The following NUDCD1 variants were observed in gnomAD, a reference collection of about 807,000 sequenced individuals.
NUDCD1 encodes the protein nudC domain-containing protein 1.
A neutral mutation model predicts 67.8 loss-of-function variants in NUDCD1; 60 were observed. The observed-to-expected ratio is 0.88, with a 90% confidence interval of 0.72 to 1.10. The LOEUF (loss-of-function observed/expected upper bound fraction) is 1.10, where lower values mean the gene tolerates loss of function less well. Ranked by LOEUF, NUDCD1 falls within the 50% of genes least tolerant of loss-of-function variation. The pLI is 0.00. For synonymous variants in NUDCD1, 244 were observed against 230.8 expected, an observed-to-expected ratio of 1.06 and a Z score of -0.52; for missense variants, 643 against 695.0, an observed-to-expected ratio of 0.93 and a Z score of 0.84.
At chr8:109,318,864 A>G (rs16879296) in intron 2 of NUDCD1, among the ~76,000 whole-genome samples, 14,869 of 152,092 alleles carry the variant, frequency 0.098, 772 homozygotes, top group Middle Eastern at 0.14. Context: ...TTCAACAAAT[A>G]TACTGATCAA....
chr8:109,303,751 C>G (rs1486766601), intron 2 of NUDCD1, among the ~76,000 whole-genome samples: 1 of 152,076 alleles, frequency 6.6e-6, no homozygotes, highest in African/African-American at 2.4e-5. Flanking sequence ...GCAACCCTTA[C>G]CATCCCATTA....
chr8:109,299,940 C>A (rs572392795), intron 2 of NUDCD1, among the ~76,000 whole-genome samples: 25 of 152,332 alleles, frequency 1.6e-4, no homozygotes, highest in African/African-American at 5.8e-4. Flanking sequence ...TCTGTGCAGA[C>A]AACCCCAGTA....
chr8:109,250,185 G>A (rs1813592236), intron 8 of NUDCD1, among the ~76,000 whole-genome samples: 1 of 152,098 alleles, frequency 6.6e-6, no homozygotes, highest in Non-Finnish European at 1.5e-5. Context: ...TATGTAGTAA[G>A]AGACTATGTG....
intron 2 of NUDCD1, among the ~76,000 whole-genome samples, chr8:109,319,717 A>T (rs1045437072): frequency 2.6e-5 from 4 of 152,204 alleles, no homozygotes; most frequent in African/African-American, 9.6e-5. Context: ...AAGTGCTGTA[A>T]GACAAGGTTG....
At chr8:109,259,542 G>A (rs769713117) in intron 8 of NUDCD1, among the ~76,000 whole-genome samples, 2 of 152,204 alleles carry the variant, frequency 1.3e-5, no homozygotes, top group Non-Finnish European at 2.9e-5. Context: ...AACAAGGTTA[G>A]AGGTGTGTCT....
At position 109,304,146 on chromosome 8, in the gene NUDCD1, C is replaced by T. The variant is rs575264520; in HGVS notation, c.274-7577G>A. ...ACTAGCTCTCCCTAACTCATCCCAACCTTTTTCATTACACACAGCTGAAGT... is the reference window on the plus strand; with the variant it reads ...ACTAGCTCTCCCTAACTCATCCCAATCTTTTTCATTACACACAGCTGAAGT... On this transcript the variant is annotated intron_variant, in intron 2 of 9. Transcript: ENST00000239690. Among the ~76,000 whole-genome samples, 5 of 152,306 alleles carry T rather than the reference C, an allele frequency of 3.3e-5. No individual in the cohort carries two copies. The East Asian group carries it at 9.7e-4, about 29-fold the overall frequency.
intron 2 of NUDCD1, among the ~76,000 whole-genome samples, chr8:109,309,842 C>G (rs1206154213): frequency 6.6e-6 from 1 of 151,516 alleles, no homozygotes; most frequent in Non-Finnish European, 1.5e-5. Context: ...AGATCAAGAA[C>G]TCAACCCCTT....
intron 1 of NUDCD1, among the ~76,000 whole-genome samples, chr8:109,323,024 G>A (rs1394136411): frequency 6.6e-6 from 1 of 152,168 alleles, no homozygotes; most frequent in Non-Finnish European, 1.5e-5. Context: ...CTAGAAACAA[G>A]ATCTCCTACT....
intron 2 of NUDCD1, among the ~76,000 whole-genome samples, chr8:109,309,750 TCAG>T (rs2130090189): frequency 6.6e-6 from 1 of 152,080 alleles, no homozygotes; most frequent in South Asian, 2.1e-4. Flanking sequence ...ATAAAAGAAT[TCAG>T]CAGAAGTTTC....
At chr8:109,331,047 G>GA (rs996753049) in intron 1 of NUDCD1, among the ~76,000 whole-genome samples, 40 of 147,136 alleles carry the variant, frequency 2.7e-4, no homozygotes, top group South Asian at 1.1e-3. Flanking sequence ...GAACTTCAAA[G>GA]AAAAAAAAAA....
At chr8:109,311,458 A>G (rs1207209355) in intron 2 of NUDCD1, among the ~76,000 whole-genome samples, 1 of 151,812 alleles carries the variant, frequency 6.6e-6, no homozygotes, top group Non-Finnish European at 1.5e-5. Flanking sequence ...TATACAAAAA[A>G]GATACTTCCA....
At chr8:109,271,651 A>C (rs1814159647) in intron 7 of NUDCD1, among the ~76,000 whole-genome samples, 1 of 152,186 alleles carries the variant, frequency 6.6e-6, no homozygotes. Context: ...GCAAATAAGT[A>C]ATGGCCAACA....
chr8:109,248,715 A>G (rs1318118789), intron 8 of NUDCD1, among the ~76,000 whole-genome samples: 8 of 95,930 alleles, frequency 8.3e-5, no homozygotes, highest in Non-Finnish European at 1.5e-4. Context: ...CACTGTTTGG[A>G]AAAAAAAAAA....
intron 8 of NUDCD1, among the ~76,000 whole-genome samples, chr8:109,252,167 G>A (rs1238193927): frequency 6.6e-6 from 1 of 152,060 alleles, no homozygotes; most frequent in African/African-American, 2.4e-5. Context: ...CTGATGGTGA[G>A]GGGGATGTGG....
chr8:109,320,456 C>G (rs1338327047), intron 2 of NUDCD1, among the ~76,000 whole-genome samples: 2 of 152,178 alleles, frequency 1.3e-5, no homozygotes, highest in Admixed American at 6.5e-5. Context: ...CACCTGCGGT[C>G]AGAGTTTAAG....
chr8:109,310,976 C>A (rs1280847400), intron 2 of NUDCD1, among the ~76,000 whole-genome samples: 1 of 151,578 alleles, frequency 6.6e-6, no homozygotes, highest in Non-Finnish European at 1.5e-5. Context: ...CCACCACGCC[C>A]GGCTAATTTT....
At chr8:109,301,819 A>C (rs977160637) in intron 2 of NUDCD1, among the ~76,000 whole-genome samples, 2 of 152,264 alleles carry the variant, frequency 1.3e-5, no homozygotes, top group East Asian at 3.9e-4. Flanking sequence ...GGACTCGGGA[A>C]GACAGTCTTC....
intron 8 of NUDCD1, among the ~76,000 whole-genome samples, chr8:109,251,126 A>G (rs1813612857): frequency 6.6e-6 from 1 of 151,500 alleles, no homozygotes; most frequent in South Asian, 2.1e-4. Flanking sequence ...AAATGAATTT[A>G]ATCTTCTTCA....
intron 5 of NUDCD1, among the ~76,000 whole-genome samples, chr8:109,281,376 T>C (rs1473305928): frequency 6.6e-6 from 1 of 152,168 alleles, no homozygotes; most frequent in Non-Finnish European, 1.5e-5. Flanking sequence ...CTTCCAGACT[T>C]ACCTGATGCT....
Sources: allele counts gnomAD v4.1 joint callset (sites outside exome capture counted in the v4.1 genomes callset), GRCh38; gene constraint gnomAD v4.1.1; transcripts MANE v1.5; gene names NCBI Gene and HGNC (gene_info 2026-07-23, HGNC 2026-07-21).